Variants in GGCX observed in about 807,000 individuals in gnomAD.
GGCX encodes the protein vitamin K-dependent gamma-carboxylase.
GGCX carries 63 observed loss-of-function variants against 88.5 expected under a neutral mutation model. The ratio of observed to expected loss-of-function variants is 0.71; its 90% CI spans 0.58 to 0.88. The LOEUF is 0.88. Ranked by LOEUF, GGCX falls within the 40% of genes least tolerant of loss-of-function variation. GGCX has a pLI of 0.00. For missense variants in GGCX, 805 were observed against 932.9 expected (o/e 0.86, Z 1.79); for synonymous variants, 368 against 365.8 (o/e 1.01, Z -0.07).
intron 10 of GGCX, 57 bp from the exon 11 acceptor site, chr2:85,552,038 C>G: frequency 3.2e-6 from 4 of 1,244,730 alleles, no homozygotes; most frequent in Non-Finnish European, 4.7e-6. Context: ...ACCAGAACTT[C>G]CAGTTCTCTC....
intron 6 of GGCX, chr2:85,554,652 G>A (rs533161786): frequency 3.3e-5 from 12 of 359,010 alleles, no homozygotes; most frequent in Non-Finnish European, 6.5e-5. Context: ...AAATTTTTTT[G>A]TAGAGACAGT....
chr2:85,546,379 TGCCACCACACTCCG>T lies in GGCX; in HGVS notation c.*3541_*3554del, dbSNP rs1264311373. The T allele has an allele frequency of 2.6e-5, 4 of 151,846 alleles. 1 individual carries two copies. The East Asian group carries it at 5.8e-4, about 22-fold the overall frequency. 9.4% of individuals were successfully genotyped at this position (151,846 alleles called of 1,614,324 possible). On this transcript the variant is annotated 3_prime_UTR_variant, in exon 15 of 15. Transcript: ENST00000233838. ...TGGAGCTTGCAGTGAGCTGAAATCG[TGCCACCACACTCCG>T]GCCAGGGTAACAGAGTGAGACTTAA...
chr2:85,552,590 T>A, intron 9 of GGCX, 23 bp from the exon 10 acceptor site: 1 of 1,608,338 alleles, frequency 6.2e-7, no homozygotes, highest in South Asian at 1.1e-5. Flanking sequence ...CCCATATTAG[T>A]CCCACCTCAT....
chr2:85,554,256 C>A lies in GGCX; in HGVS notation c.776G>T (p.Gly259Val). Residue 259 changes from glycine to valine, a missense_variant, in exon 7 of 15, where the codon GGG (glycine) becomes GTG (valine). Transcript: ENST00000233838. ...ACCAGCTGAGAGGTCAAGCAGCAGC[C>A]CACCCCAGTGCACGACCAGCAGGCT... ...LTSLLVVHWG[G>V]LLLDLSAGFL... 1 of 1,613,846 alleles carries A rather than the reference C, an allele frequency of 6.2e-7. No homozygotes were observed. The highest frequency in any genetic ancestry group is 8.5e-7 in the Non-Finnish European group (1 of 1,179,756).
At chr2:85,554,406 A>G (rs1199563188) in intron 6 of GGCX, 100 bp from the exon 7 acceptor site, 1 of 1,005,250 alleles carries the variant, frequency 9.9e-7, no homozygotes, top group African/African-American at 1.6e-5. Context: ...GTGGCTGGGT[A>G]GATGCCTAAG....
At position 85,547,037 on chromosome 2, in the gene GGCX, T is replaced by C. The variant is rs1558801491; in HGVS notation, c.*2897A>G. 6.6e-6 allele frequency: 1 copy of C among 152,184 alleles called. No individual in the cohort carries two copies. Among genetic ancestry groups the C allele is most frequent in the Admixed American group, 6.5e-5 (1 of 15,274 alleles). The allele number at this position is 152,184 out of a possible 1,614,324, so 9.4% of individuals were successfully genotyped here. A position where few individuals can be genotyped will look rare whatever the true frequency, so the allele number is the denominator to read the frequency against. On this transcript the variant is annotated 3_prime_UTR_variant, in exon 15 of 15. Transcript: ENST00000233838. ...TGAGGGAGCTTGTGGACCAAGGGGA[T>C]AGTGTTGTCCTGCCCAGCCTAGGGG...
In GGCX at chr2:85,560,901, G is replaced by A; in HGVS notation, c.128C>T (p.Thr43Ile). 6.2e-7 allele frequency: 1 copy of A among 1,613,646 alleles called. No homozygotes were observed. The highest frequency in any genetic ancestry group is 2.2e-5 in the East Asian group (1 of 44,882). ...CAGCCTCCGCCAACTGGACAAATCT[G>A]TCCACTCAAAACCCAAGAGTTTCCC... is the stretch of plus-strand genomic sequence containing the variant. ...RIGKLLGFEW[T>I]DLSSWRRLVT... The change falls in exon 2 of 15, where the codon ACA becomes ATA. Residue 43 changes from threonine to isoleucine, a missense_variant. This residue lies in a region of GGCX where 64 missense variants were observed against 57.4 expected (regional missense o/e 1.12). Coordinates refer to ENST00000233838, the MANE Select transcript of GGCX (RefSeq NM_000821.7).
At position 85,552,497 on chromosome 2, in the gene GGCX, C is replaced by A; in HGVS notation, c.1358G>T (p.Arg453Leu). The change falls in exon 10 of 15, where the codon CGC (arginine) becomes CTC (leucine). Residue 453 changes from arginine to leucine, a missense_variant. Transcript: ENST00000233838. ...AGTGACATTATACTTGGGAAGCAGG[C>A]GGCTCAGGCAAGTGGCATATTGCTT... is the stretch of plus-strand genomic sequence containing the variant. ...MLKQYATCLS[R>L]LLPKYNVTEP... 1.2e-6 allele frequency: 2 copies of A among 1,613,556 alleles called. No individual in the cohort carries two copies. Among genetic ancestry groups the A allele is most frequent in the Non-Finnish European group, 8.5e-7 (1 of 1,179,502 alleles).
intron 5 of GGCX, among the ~76,000 whole-genome samples, chr2:85,555,914 A>G (rs1289230115): frequency 6.6e-6 from 1 of 152,224 alleles, no homozygotes; most frequent in African/African-American, 2.4e-5. Flanking sequence ...CCAAGGAAGA[A>G]GTCATAAAGC....
intron 4 of GGCX, 131 bp from the exon 5 acceptor site, chr2:85,556,391 CT>C: frequency 1.4e-6 from 1 of 698,832 alleles, no homozygotes; most frequent in South Asian, 1.5e-5. Flanking sequence ...ATTCTGAGAC[CT>C]TTTAGAATTA....
rs1050819912 is a variant in GGCX at position 85,549,970 on chromosome 2, A to C, written c.2241T>G (p.Pro747=). 1.2e-6 allele frequency: 2 copies of C among 1,613,904 alleles called. No individual in the cohort carries two copies. Among genetic ancestry groups the C allele is most frequent in the Non-Finnish European group, 1.7e-6 (2 of 1,179,818 alleles). ...SNTDSSHSNP[P]ESNPDPVHSE... is the part of the protein sequence containing the mutation. ...AGTGGACAGGATCAGGATTTGACTCAGGAGGATTAGAATGTGAAGAATCCG... is the reference window on the plus strand; with the variant it reads ...AGTGGACAGGATCAGGATTTGACTCCGGAGGATTAGAATGTGAAGAATCCG... Residue 747 remains proline (P), a synonymous_variant, in exon 15 of 15, where the codon CCT becomes CCG. Transcript: ENST00000233838.
At chr2:85,551,369 A>C in intron 12 of GGCX, 111 bp downstream of exon 12, 1 of 1,079,956 alleles carries the variant, frequency 9.3e-7, no homozygotes, top group Non-Finnish European at 1.4e-6. Flanking sequence ...TCTGTTGCTC[A>C]GGCTCACTGT....
chr2:85,552,817 C>A, intron 9 of GGCX, 122 bp downstream of exon 9: 1 of 1,129,108 alleles, frequency 8.9e-7, no homozygotes, highest in Non-Finnish European at 1.4e-6. Context: ...CAATCTGGCT[C>A]TTGAGAAAAG....
chr2:85,553,663 G>T, intron 7 of GGCX, 166 bp from the exon 8 acceptor site: 1 of 664,788 alleles, frequency 1.5e-6, no homozygotes, highest in Non-Finnish European at 2.6e-6. Context: ...GCAGTGGCGT[G>T]ATCTCAGCTC....
At chr2:85,561,199 C>T (rs946278569) in intron 1 of GGCX, among the ~76,000 whole-genome samples, 187 bp downstream of exon 1, 1 of 152,224 alleles carries the variant, frequency 6.6e-6, no homozygotes, top group African/African-American at 2.4e-5. Flanking sequence ...GTCCCCTAAC[C>T]GCAGTGTTCC....
chr2:85,553,062 G>T lies in GGCX; in HGVS notation c.1164C>A (p.Asn388Lys), dbSNP rs146560494. Residue 388 changes from asparagine to lysine, a missense_variant, in exon 9 of 15, where the codon AAC becomes AAA. Asn to Lys is a moderately conservative substitution (Grantham distance 94). Around this residue, in one of 3 missense-constraint regions of GGCX, gnomAD observed 680 missense variants for 763.7 expected, o/e 0.89. Transcript: ENST00000233838. ...PYSHFLTQGYNNWTNGLYGYS... is the reference protein window; with the variant it reads ...PYSHFLTQGYKNWTNGLYGYS... ...AGCCATACAGCCCATTTGTCCAGTT[G>T]TTATAGCCCTGGGAAGGCAGCACAG... 1 of 1,614,176 alleles carries T rather than the reference G, an allele frequency of 6.2e-7. No individual in the cohort carries two copies. Among genetic ancestry groups the T allele is most frequent in the East Asian group, 2.2e-5 (1 of 44,884 alleles).
At position 85,544,867 on chromosome 2, in the gene GGCX, C is replaced by T. The variant is rs976460747; in HGVS notation, c.*5067G>A. ...TTCATACTTGAACGTTTTCTAATTG[C>T]TTATTTATTGTATTCTGGGGTATGG... On this transcript the variant is annotated 3_prime_UTR_variant, in exon 15 of 15. Transcript: ENST00000233838. 6.6e-6 allele frequency: 1 copy of T among 152,566 alleles called. No individual in the cohort carries two copies. The highest frequency in any genetic ancestry group is 2.4e-5 in the African/African-American group (1 of 41,438). 9.5% of individuals were successfully genotyped at this position (152,566 alleles called of 1,614,324 possible). A position where few individuals can be genotyped will look rare whatever the true frequency, so the allele number is the denominator to read the frequency against.
intron 6 of GGCX, chr2:85,554,567 G>A (rs937759051): frequency 3.4e-5 from 17 of 504,560 alleles, no homozygotes; most frequent in Middle Eastern, 5.6e-4. Context: ...CTGGGCTCAA[G>A]CAATCCTCCT....
Position 85,555,531 on chromosome 2 carries a change from G to T in GGCX, c.678C>A (p.Gly226=). ...VKKLDADWVE[G]YSMEYLSRHW... ...GCCGGGACAAATATTCCATGGAATA[G>T]CCTTCAACCCAGTCTGCATCCAGCT... is the stretch of plus-strand genomic sequence containing the variant. Residue 226 remains glycine, a synonymous_variant, in exon 6 of 15, where the codon GGC becomes GGA. Coordinates refer to ENST00000233838, the MANE Select transcript of GGCX (RefSeq NM_000821.7). 6.2e-7 allele frequency: 1 copy of T among 1,607,338 alleles called. No individual in the cohort carries two copies. The highest frequency in any genetic ancestry group is 8.5e-7 in the Non-Finnish European group (1 of 1,173,788).
Sources: gnomAD v4.1 joint callset for allele counts (sites outside exome capture counted in the v4.1 genomes callset) on GRCh38, gnomAD v4.1.1 for gene constraint, gnomAD v4.1.1 regional missense constraint, MANE v1.5 for transcripts, NCBI Gene and HGNC (gene_info 2026-07-23, HGNC 2026-07-21) for gene names.